DYRK1B: variants seen among roughly 807,000 people sequenced by gnomAD.
DYRK1B encodes the protein dual specificity tyrosine-phosphorylation-regulated kinase 1B.
DYRK1B carries 20 observed loss-of-function variants against 57.1 expected under a neutral mutation model. The observed-to-expected ratio is 0.35, with a 90% CI of 0.25 to 0.51. The LOEUF is 0.51. Among genes scored for constraint, DYRK1B ranks in the 20% least tolerant of loss-of-function variants. The pLI, the probability that DYRK1B is intolerant of heterozygous loss-of-function variation, is 0.96. For synonymous variants in DYRK1B, 409 were observed against 384.7 expected (o/e 1.06, Z -0.74); for missense variants, 732 against 886.3 (o/e 0.83, Z 2.21).
In DYRK1B at chr19:39,830,556, T is replaced by C. The variant is rs1968760957; in HGVS notation, c.191A>G (p.Tyr64Cys). 1 of 1,614,002 alleles carries C rather than the reference T, an allele frequency of 6.2e-7. No individual in the cohort carries two copies. ...CTGGGCCCGCCGCTTCTTCTTCGCA[T>C]AGTATACCTGCCCAGCCAGCCAGCC... Reference protein sequence around the residue: ...KTYKHINEVYYAKKKRRAQQA... With the variant: ...KTYKHINEVYCAKKKRRAQQA... The change falls in exon 4 of 11, where the codon TAT (tyrosine) becomes TGT (cysteine). Residue 64 changes from tyrosine to cysteine, a missense_variant. Around this residue, in one of 2 missense-constraint regions of DYRK1B, gnomAD observed 510 missense variants for 681.3 expected, o/e 0.75. Coordinates refer to ENST00000323039, the MANE Select transcript of DYRK1B (RefSeq NM_004714.3).
chr19:39,826,382 C>T lies in DYRK1B; in HGVS notation c.1412-96G>A, dbSNP rs1968540337. ...CTGAGGGAAGGTCACGGCCCAGGCTCAGGTTCAGGCTTCAAGAGCAGAGCC... is the reference window on the plus strand; with the variant it reads ...CTGAGGGAAGGTCACGGCCCAGGCTTAGGTTCAGGCTTCAAGAGCAGAGCC... On this transcript the variant is annotated intron_variant, in intron 9 of 10. Coordinates refer to ENST00000323039, the MANE Select transcript of DYRK1B (RefSeq NM_004714.3). The surrounding 1 kb of genome is among the most constrained non-coding windows in gnomAD (Gnocchi z 6.3). 1 of 1,038,292 alleles carries T rather than the reference C, an allele frequency of 9.6e-7. No homozygotes were observed. Among genetic ancestry groups the T allele is most frequent in the Non-Finnish European group, 1.4e-6 (1 of 729,322 alleles). 64.3% of individuals were successfully genotyped at this position (1,038,292 alleles called of 1,614,324 possible).
Position 39,829,992 on chromosome 19 carries a change from A to G in DYRK1B, c.408T>C (p.Leu136=), listed in dbSNP as rs1177235379. 1.2e-6 allele frequency: 2 copies of G among 1,614,070 alleles called. No individual in the cohort carries two copies. Among genetic ancestry groups the G allele is most frequent in the Admixed American group, 3.3e-5 (2 of 60,020 alleles). Residue 136 remains leucine (L), a synonymous_variant, in exon 5 of 11, where the codon CTT becomes CTC. Transcript: ENST00000323039. ...VKAYDHQTQE[L]VAIKIIKNKK... is the part of the protein sequence containing the mutation. ...TGTTCTTGATGATCTTGATGGCCAC[A>G]AGCTCCTGGGTCTGATGATCATAGG...
At position 39,825,529 on chromosome 19, in the gene DYRK1B, A is replaced by G; in HGVS notation, c.*186T>C. On this transcript the variant is annotated 3_prime_UTR_variant, in exon 11 of 11. Transcript: ENST00000323039. Reference sequence around the variant, plus strand: ...AGAGGGGCCCAAGGGTCCAGTCCTTAGTGGGGAGGGAGCGGCCAAAACCCT... The same window carrying G: ...AGAGGGGCCCAAGGGTCCAGTCCTTGGTGGGGAGGGAGCGGCCAAAACCCT... 3.3e-6 allele frequency: 2 copies of G among 610,916 alleles called. No individual in the cohort carries two copies. The highest frequency in any genetic ancestry group is 5.7e-5 in the East Asian group (2 of 35,326). 37.8% of individuals were successfully genotyped at this position (610,916 alleles called of 1,614,324 possible). A position where few individuals can be genotyped will look rare whatever the true frequency, so the allele number is the denominator to read the frequency against.
Position 39,826,647 on chromosome 19 carries a change from C to T in DYRK1B, c.1411+25G>A. On this transcript the variant is annotated intron_variant, in intron 9 of 10. Coordinates refer to ENST00000323039, the MANE Select transcript of DYRK1B (RefSeq NM_004714.3). The surrounding 1 kb of genome is among the most constrained non-coding windows in gnomAD (Gnocchi z 6.3). The stretch of plus-strand genomic sequence containing the variant: ...CCTGAGCAGCCCCCACCCGTTGTAC[C>T]CCATTTGGGCACCTGGGCACCCACC... 1 of 1,568,462 alleles carries T rather than the reference C, an allele frequency of 6.4e-7. No individual in the cohort carries two copies. Among genetic ancestry groups the T allele is most frequent in the Non-Finnish European group, 8.6e-7 (1 of 1,159,906 alleles).
In DYRK1B at chr19:39,825,628, G is replaced by T; in HGVS notation, c.*87C>A. ...CCCCAGCTGGGTAGCAGCAATTCCA[G>T]TCAAGGAGAGAGATGAGGATGGGAG... On this transcript the variant is annotated 3_prime_UTR_variant, in exon 11 of 11. Transcript: ENST00000323039. 5 of 1,394,294 alleles carry T rather than the reference G, an allele frequency of 3.6e-6. No individual in the cohort carries two copies. Among genetic ancestry groups the T allele is most frequent in the Non-Finnish European group, 4.9e-6 (5 of 1,023,408 alleles). 86.4% of individuals were successfully genotyped at this position (1,394,294 alleles called of 1,614,324 possible).
chr19:39,828,606 G>C lies in DYRK1B; in HGVS notation c.521-23C>G. On this transcript the variant is annotated intron_variant, in intron 5 of 10. Transcript: ENST00000323039. The surrounding 1 kb of genome is among the most constrained non-coding windows in gnomAD (Gnocchi z 4.3). ...GTACTGCGGGGGAGGGGAGGAAATG[G>C]GCCAGAGAAGAAACGGCTCAGAGAG... 3.8e-6 allele frequency: 6 copies of C among 1,594,782 alleles called. No homozygotes were observed. The highest frequency in any genetic ancestry group is 3.3e-4 in the Middle Eastern group (2 of 5,998).
Position 39,827,634 on chromosome 19 carries a change from C to T in DYRK1B, c.830G>A (p.Arg277His). 4 of 1,614,032 alleles carry T rather than the reference C, an allele frequency of 2.5e-6. No individual in the cohort carries two copies. Among genetic ancestry groups the T allele is most frequent in the South Asian group, 1.1e-5 (1 of 91,092 alleles). The part of the protein sequence containing the change: ...GQRIYQYIQS[R>H]FYRSPEVLLG... ...GAGCACCTCAGGTGAGCGGTAGAAG[C>T]GGCTCTGGATATACTGGTAGATCTG... Residue 277 changes from arginine to histidine, a missense_variant, in exon 7 of 11, where the codon CGC becomes CAC. Arg to His is a conservative substitution (Grantham distance 29). This residue lies in a region of DYRK1B where 510 missense variants were observed against 681.3 expected (regional missense o/e 0.75). Coordinates refer to ENST00000323039, the MANE Select transcript of DYRK1B (RefSeq NM_004714.3).
At chr19:39,827,009 G>A in intron 8 of DYRK1B, 22 bp from the exon 9 acceptor site, 2 of 1,380,700 alleles carry the variant, frequency 1.4e-6, no homozygotes, top group Non-Finnish European at 9.5e-7. Context: ...GGGGTGGGAG[G>A]GGGGGCAAGA....
chr19:39,827,799 C>G, intron 6 of DYRK1B, 143 bp from the exon 7 acceptor site: 1 of 1,080,444 alleles, frequency 9.3e-7, no homozygotes, highest in Non-Finnish European at 1.3e-6. Context: ...TTATCAGCAC[C>G]AATTTTCTGG....
At position 39,826,767 on chromosome 19, in the gene DYRK1B, G is replaced by C. The variant is rs751084048; in HGVS notation, c.1316C>G (p.Thr439Ser). The change falls in exon 9 of 11, where the codon ACC becomes AGC. Residue 439 changes from threonine to serine, a missense_variant. Thr to Ser is a moderately conservative substitution (Grantham distance 58). Coordinates refer to ENST00000323039, the MANE Select transcript of DYRK1B (RefSeq NM_004714.3). This position sits in a 1 kb window ranked among gnomAD's most constrained non-coding sequence, Gnocchi z 6.3. Reference protein sequence around the residue: ...GFFRRTADEATNTGPAGSSAS... With the variant: ...GFFRRTADEASNTGPAGSSAS... ...ACTGCTGCCTGCCGGGCCCGTGTTG[G>C]TGGCCTCGTCGGCCGTGCGGCGGAA... The C allele has an allele frequency of 1.9e-6, 3 of 1,580,416 alleles. No homozygotes were observed. In the African/African-American group the frequency reaches 4.0e-5, roughly 21 times the overall value.
chr19:39,830,242 GGC>G, intron 4 of DYRK1B, 131 bp downstream of exon 4: 3 of 1,258,200 alleles, frequency 2.4e-6, no homozygotes, highest in Non-Finnish European at 3.3e-6. Context: ...TTACAGAAAA[GGC>G]GACTGAGGCA....
chr19:39,828,106 G>A lies in DYRK1B; in HGVS notation c.807+191C>T, dbSNP rs1968624915. On this transcript the variant is annotated intron_variant, in intron 6 of 10. Coordinates refer to ENST00000323039, the MANE Select transcript of DYRK1B (RefSeq NM_004714.3). The surrounding 1 kb of genome is among the most constrained non-coding windows in gnomAD (Gnocchi z 4.3). ...GTTCACATCTGGCAGCTTCAAAATGGGCCCTGCCCCTCAGGCTTCACCCTT... is the reference window on the plus strand; with the variant it reads ...GTTCACATCTGGCAGCTTCAAAATGAGCCCTGCCCCTCAGGCTTCACCCTT... Among the ~76,000 whole-genome samples the A allele has an allele frequency of 6.6e-6, 1 of 152,060 alleles. No homozygotes were observed. The highest frequency in any genetic ancestry group is 1.5e-5 in the Non-Finnish European group (1 of 68,010).
Position 39,826,805 on chromosome 19 carries a change from C to A in DYRK1B, c.1278G>T (p.Leu426=). The part of the protein sequence containing the change: ...PAARISPLGA[L]QHGFFRRTAD... The stretch of plus-strand genomic sequence containing the variant: ...CCGTGCGGCGGAAGAAGCCGTGCTG[C>A]AGAGCCCCCAGGGGGCTGATGCGGG... The change falls in exon 9 of 11, where the codon CTG becomes CTT. Residue 426 remains leucine (L), a synonymous_variant. Coordinates refer to ENST00000323039, the MANE Select transcript of DYRK1B (RefSeq NM_004714.3). The surrounding 1 kb of genome is among the most constrained non-coding windows in gnomAD (Gnocchi z 6.3). The A allele has an allele frequency of 6.5e-7, 1 of 1,532,386 alleles. No homozygotes were observed. Among genetic ancestry groups the A allele is most frequent in the Non-Finnish European group, 8.8e-7 (1 of 1,141,548 alleles). 94.9% of individuals were successfully genotyped at this position (1,532,386 alleles called of 1,614,324 possible).
At chr19:39,827,177 G>A in intron 8 of DYRK1B, 108 bp downstream of exon 8, 4 of 1,395,406 alleles carry the variant, frequency 2.9e-6, no homozygotes, top group Non-Finnish European at 3.9e-6. Context: ...AGACAAGGGG[G>A]AGTGGAAGGA....
intron 8 of DYRK1B, 146 bp from the exon 9 acceptor site, chr19:39,827,133 G>A (rs1968577416): frequency 1.7e-6 from 2 of 1,166,286 alleles, no homozygotes; most frequent in Non-Finnish European, 2.4e-6. Flanking sequence ...AGGAGAGATG[G>A]GAGATGGGGT....
At position 39,828,598 on chromosome 19, in the gene DYRK1B, A is replaced by G; in HGVS notation, c.521-15T>C. 1 of 1,599,178 alleles carries G rather than the reference A, an allele frequency of 6.3e-7. No homozygotes were observed. Among genetic ancestry groups the G allele is most frequent in the Non-Finnish European group, 8.6e-7 (1 of 1,169,066 alleles). On this transcript the variant is annotated splice_polypyrimidine_tract_variant and intron_variant, in intron 5 of 10. Coordinates refer to ENST00000323039, the MANE Select transcript of DYRK1B (RefSeq NM_004714.3). This position sits in a 1 kb window ranked among gnomAD's most constrained non-coding sequence, Gnocchi z 4.3. ...CTTCAGGTGTACTGCGGGGGAGGGG[A>G]GGAAATGGGCCAGAGAAGAAACGGC...
rs76318664 is a variant in DYRK1B at position 39,828,592 on chromosome 19, G to A, written c.521-9C>T. The A allele has an allele frequency of 2.4e-3, 3,889 of 1,601,354 alleles. 44 individuals are homozygous for A. In the African/African-American group the frequency reaches 0.031, roughly 13 times the overall value. On this transcript the variant is annotated splice_polypyrimidine_tract_variant and intron_variant, in intron 5 of 10. Coordinates refer to ENST00000323039, the MANE Select transcript of DYRK1B (RefSeq NM_004714.3). The surrounding 1 kb of genome is among the most constrained non-coding windows in gnomAD (Gnocchi z 4.3). ...GTGCCGCTTCAGGTGTACTGCGGGG[G>A]AGGGGAGGAAATGGGCCAGAGAAGA... is the stretch of plus-strand genomic sequence containing the variant.
chr19:39,827,020 G>T, intron 8 of DYRK1B, 33 bp from the exon 9 acceptor site: 1 of 1,379,642 alleles, frequency 7.2e-7, no homozygotes, highest in South Asian at 1.5e-5. Context: ...GGGGGCAAGA[G>T]AGTGGCCGTC....
intron 8 of DYRK1B, 42 bp downstream of exon 8, chr19:39,827,243 G>A (rs750461229): frequency 6.4e-7 from 1 of 1,571,844 alleles, no homozygotes; most frequent in Non-Finnish European, 8.7e-7. Flanking sequence ...TGTGAGTGAG[G>A]GGCCACGGGG....
Sources: gnomAD v4.1 joint callset for allele counts (sites outside exome capture counted in the v4.1 genomes callset) on GRCh38, gnomAD v4.1.1 for gene constraint, gnomAD v4.1.1 regional missense constraint, Gnocchi (gnomAD v3.1) non-coding constraint, MANE v1.5 for transcripts, NCBI Gene and HGNC (gene_info 2026-07-23, HGNC 2026-07-21) for gene names.